Variants in RBM34 observed in about 807,000 individuals in gnomAD.
The protein encoded by RBM34 is RNA binding motif protein 34.
RBM34 carries 39 observed loss-of-function variants against 44.6 expected under a neutral mutation model. That is an observed-to-expected ratio of 0.87 (90% CI 0.68 to 1.14). The LOEUF (loss-of-function observed/expected upper bound fraction) is 1.14, where lower values mean the gene tolerates loss of function less well. RBM34 is among the 50% of genes most tolerant of loss of function. The pLI is 0.00. For synonymous variants in RBM34, 194 were observed against 184.0 expected (o/e 1.05, Z -0.44); for missense variants, 572 against 517.9 (o/e 1.10, Z -1.01).
At chr1:235,150,936 G>C (rs1275154040) in intron 5 of RBM34, among the ~76,000 whole-genome samples, 1 of 152,170 alleles carries the variant, frequency 6.6e-6, no homozygotes. Context: ...GTGTGTGGCG[G>C]CTGGGGGGAT....
Position 235,161,018 on chromosome 1 carries a change from G to A in RBM34, c.103C>T (p.Leu35Phe), listed in dbSNP as rs1662694904. The A allele has an allele frequency of 6.2e-7, 1 of 1,614,102 alleles. No homozygotes were observed. The highest frequency in any genetic ancestry group is 2.2e-5 in the East Asian group (1 of 44,878). ...VRGSPPEDYR[L>F]GQVASSLFRG... ...AATAAGCTACTGGCGACCTGTCCAAGCCTGTAGTCTTCCGGCGGACTCCCG... is the reference window on the plus strand; with the variant it reads ...AATAAGCTACTGGCGACCTGTCCAAACCTGTAGTCTTCCGGCGGACTCCCG... Residue 35 changes from leucine (L) to phenylalanine (F), a missense_variant, in exon 2 of 11, where the codon CTT becomes TTT. Transcript: ENST00000408888.
chr1:235,157,659 G>A (rs1213850748), intron 3 of RBM34, among the ~76,000 whole-genome samples: 2 of 152,176 alleles, frequency 1.3e-5, no homozygotes, highest in African/African-American at 4.8e-5. Context: ...ACCCCTGAGG[G>A]AAATGCACAT....
At position 235,156,728 on chromosome 1, in the gene RBM34, A is replaced by G. The variant is rs1032632572; in HGVS notation, c.366-1616T>C. On this transcript the variant is annotated intron_variant, in intron 3 of 10. Coordinates refer to ENST00000408888, the MANE Select transcript of RBM34 (RefSeq NM_015014.4). ...GGGAAGAGAAGAGCTAATAAGAATC[A>G]TAAAAATGACTCACTCATCAGCAAA... The G allele has an allele frequency of 3.4e-5, 14 of 414,734 alleles. No homozygotes were observed. The East Asian group carries it at 3.6e-4, about 11-fold the overall frequency. The allele number at this position is 414,734 out of a possible 1,614,324, so 25.7% of individuals were successfully genotyped here.
chr1:235,158,083 T>C (rs1039595239), intron 3 of RBM34, among the ~76,000 whole-genome samples: 5 of 151,988 alleles, frequency 3.3e-5, no homozygotes, highest in African/African-American at 9.7e-5. Context: ...AATGTCCTTT[T>C]TAAAGATTAG....
chr1:235,154,974 TTGAC>T lies in RBM34; in HGVS notation c.500_503del (p.Ser167LysfsTer14), dbSNP rs757542273. The T allele has an allele frequency of 3.1e-6, 5 of 1,614,018 alleles. No homozygotes were observed. The East Asian group carries it at 6.7e-5, about 22-fold the overall frequency. On this transcript the variant is annotated frameshift_variant, in exon 4 of 11. Coordinates refer to ENST00000408888, the MANE Select transcript of RBM34 (RefSeq NM_015014.4). LOFTEE classifies it high-confidence loss of function. ...CTTGGTTGATTTGAATTTTCTTTCT[TTGAC>T]TGACAACTGTGTCTTCTGTGTCATC...
intron 5 of RBM34, among the ~76,000 whole-genome samples, chr1:235,151,591 T>C (rs985531633): frequency 1.3e-5 from 2 of 152,094 alleles, no homozygotes; most frequent in African/African-American, 4.8e-5. Context: ...GCTACCAGCA[T>C]CTAGTGGGTA....
intron 4 of RBM34, among the ~76,000 whole-genome samples, chr1:235,153,166 G>A (rs376068604): frequency 6.6e-6 from 1 of 151,498 alleles, no homozygotes; most frequent in East Asian, 1.9e-4. Context: ...CACCGCACCC[G>A]GCCTACTGCC....
At chr1:235,132,095 C>T (rs1558134440) in intron 10 of RBM34, 98 bp from the exon 11 acceptor site, 1 of 1,190,626 alleles carries the variant, frequency 8.4e-7, no homozygotes, top group Non-Finnish European at 1.2e-6. Flanking sequence ...GACTTTCAAG[C>T]TTGCACAGAT....
chr1:235,161,109 C>T, intron 1 of RBM34, 42 bp from the exon 2 acceptor site: 1 of 1,606,392 alleles, frequency 6.2e-7, no homozygotes, highest in Non-Finnish European at 8.5e-7. Flanking sequence ...CACGCACCAC[C>T]GCTTCGCCAG....
At chr1:235,160,429 TA>T (rs748522680) in intron 3 of RBM34, 81 bp downstream of exon 3, 1,768 of 1,490,992 alleles carry the variant, frequency 1.2e-3, no homozygotes, top group Non-Finnish European at 1.5e-3. Context: ...AAATATGAAA[TA>T]AAACTGACGA....
chr1:235,137,749 G>T, intron 8 of RBM34, 128 bp downstream of exon 8: 1 of 674,028 alleles, frequency 1.5e-6, no homozygotes, highest in South Asian at 2.2e-5. Context: ...TAACCACAGA[G>T]GACATAGGCT....
chr1:235,137,929 T>G lies in RBM34; in HGVS notation c.797A>C (p.Gln266Pro). The G allele has an allele frequency of 6.2e-7, 1 of 1,604,246 alleles. No homozygotes were observed. The highest frequency in any genetic ancestry group is 8.5e-7 in the Non-Finnish European group (1 of 1,172,662). The change falls in exon 8 of 11, where the codon CAG becomes CCG. Residue 266 changes from glutamine (Q) to proline (P), a missense_variant. Gln to Pro is a moderately conservative substitution (Grantham distance 76). Coordinates refer to ENST00000408888, the MANE Select transcript of RBM34 (RefSeq NM_015014.4). ...ATQALKRNGA[Q>P]IADGFRIRVD... ...TCTAATACGAAATCCATCTGCAATC[T>G]GGGCCCCATTTCTGTATTATAAATA...
chr1:235,150,949 G>C (rs1481792621), intron 5 of RBM34, among the ~76,000 whole-genome samples: 1 of 152,192 alleles, frequency 6.6e-6, no homozygotes, highest in Non-Finnish European at 1.5e-5. Context: ...GGGGGGATGG[G>C]GGGAAGGGCG....
intron 8 of RBM34, among the ~76,000 whole-genome samples, chr1:235,136,684 T>C (rs1661446178): frequency 6.6e-6 from 1 of 152,232 alleles, no homozygotes; most frequent in Non-Finnish European, 1.5e-5. Flanking sequence ...TTCATTCATT[T>C]CTAGGCACCT....
intron 6 of RBM34, among the ~76,000 whole-genome samples, chr1:235,144,552 A>C (rs1661825285): frequency 6.6e-6 from 1 of 152,064 alleles, no homozygotes; most frequent in Admixed American, 6.5e-5. Context: ...AAAGGAAAAA[A>C]GTTTTACATG....
At chr1:235,160,776 T>C (rs1463458158) in intron 2 of RBM34, 117 bp downstream of exon 2, 18 of 1,512,208 alleles carry the variant, frequency 1.2e-5, no homozygotes, top group Non-Finnish European at 4.5e-6. Context: ...GAAAGGTTAC[T>C]TAAAATGAAT....
intron 10 of RBM34, among the ~76,000 whole-genome samples, chr1:235,135,225 TG>T (rs1349415083): frequency 6.2e-5 from 8 of 128,136 alleles, no homozygotes; most frequent in African/African-American, 2.5e-4. Context: ...TTAAATTTTT[TG>T]TATTTTTTTT....
At position 235,131,723 on chromosome 1, in the gene RBM34, T is replaced by C; in HGVS notation, c.1283A>G (p.Lys428Arg). The C allele has an allele frequency of 6.3e-7, 1 of 1,585,730 alleles. No individual in the cohort carries two copies. Among genetic ancestry groups the C allele is most frequent in the Non-Finnish European group, 8.5e-7 (1 of 1,169,780 alleles). ...KKSGRPKKQR[K>R]QK Reference sequence around the variant, plus strand: ...AGCAGTTCCTGGTTGTTATTTCTGTTTTCTCTGTTTCTTAGGGCGTCCACT... The same window carrying C: ...AGCAGTTCCTGGTTGTTATTTCTGTCTTCTCTGTTTCTTAGGGCGTCCACT... Residue 428 changes from lysine to arginine, a missense_variant, in exon 11 of 11, where the codon AAA becomes AGA. Coordinates refer to ENST00000408888, the MANE Select transcript of RBM34 (RefSeq NM_015014.4).
intron 6 of RBM34, among the ~76,000 whole-genome samples, chr1:235,146,349 A>G (rs1421736623): frequency 6.6e-6 from 1 of 152,194 alleles, no homozygotes; most frequent in African/African-American, 2.4e-5. Flanking sequence ...ATACTCTAAG[A>G]AAAAGGGCAT....
Sources: allele counts gnomAD v4.1 joint callset (sites outside exome capture counted in the v4.1 genomes callset), GRCh38; gene constraint gnomAD v4.1.1; transcripts MANE v1.5; gene names NCBI Gene and HGNC (gene_info 2026-07-23, HGNC 2026-07-21).